LPAR6: variants seen among roughly 807,000 people sequenced by gnomAD.
LPAR6 encodes lysophosphatidic acid receptor 6, also known as G-protein coupled purinergic receptor P2Y5.
A neutral mutation model predicts 22.0 loss-of-function variants in LPAR6; 17 were observed. The observed-to-expected ratio is 0.77, with a 90% CI of 0.53 to 1.16. The LOEUF (loss-of-function observed/expected upper bound fraction) is 1.16, where lower values mean the gene tolerates loss of function less well. Among genes scored for constraint, LPAR6 ranks in the 50% most tolerant of loss-of-function variants. LPAR6 has a pLI of 0.00. For synonymous variants in LPAR6, 136 were observed against 139.8 expected (o/e 0.97, Z 0.19); for missense variants, 384 against 406.9 (o/e 0.94, Z 0.48).
chr13:48,393,778 A>C (rs773225713), intron 1 of LPAR6, among the ~76,000 whole-genome samples: 2 of 151,852 alleles, frequency 1.3e-5, no homozygotes, highest in Admixed American at 6.6e-5. Context: ...TTTTGTATTA[A>C]ATTTTGGTAC....
At chr13:48,432,565 G>A (rs1466564995) in intron 1 of LPAR6, among the ~76,000 whole-genome samples, 1 of 151,796 alleles carries the variant, frequency 6.6e-6, no homozygotes, top group Non-Finnish European at 1.5e-5. Context: ...TCACCATTCG[G>A]TGATTAGGTT....
chr13:48,406,817 G>A (rs1191768678), downstream of LPAR6: 2 of 152,272 alleles, frequency 1.3e-5, no homozygotes. Context: ...TGCTTGAGAG[G>A]CTGAGGTGGG....
chr13:48,393,465 G>A (rs1418332542), intron 1 of LPAR6, among the ~76,000 whole-genome samples: 1 of 152,110 alleles, frequency 6.6e-6, no homozygotes, highest in Non-Finnish European at 1.5e-5. Flanking sequence ...AGGGATTGCT[G>A]TTCTGTACTG....
upstream of LPAR6, among the ~76,000 whole-genome samples, chr13:48,417,894 A>G (rs1269713228): frequency 2.6e-5 from 4 of 152,198 alleles, no homozygotes; most frequent in Admixed American, 6.5e-5. Flanking sequence ...GACCAAACCT[A>G]TGTTTGATTG....
intron 1 of LPAR6, chr13:48,401,198 A>G (rs1948688918): frequency 6.6e-6 from 1 of 152,264 alleles, no homozygotes; most frequent in Middle Eastern, 3.4e-3. Flanking sequence ...AACCTGTGGG[A>G]TGGAAGCACA....
At position 48,413,077 on chromosome 13, in the gene LPAR6, C is replaced by T. The variant is rs1419453017; in HGVS notation, c.-654G>A. On this transcript the variant is annotated 5_prime_UTR_variant, in exon 1 of 1. Transcript: ENST00000620633. ...AGCTCTTGTTGAATTGAGGCCTTTT[C>T]CTCAGTTGCCAGTTGTATCTTGAGG... The T allele has an allele frequency of 6.0e-6, 1 of 167,120 alleles. No homozygotes were observed. The highest frequency in any genetic ancestry group is 1.5e-5 in the Non-Finnish European group (1 of 68,170). The allele number at this position is 167,120 out of a possible 1,614,324, so 10.4% of individuals were successfully genotyped here. A position where few individuals can be genotyped will look rare whatever the true frequency, so the allele number is the denominator to read the frequency against.
chr13:48,403,009 T>C (rs1156329251), intron 1 of LPAR6, among the ~76,000 whole-genome samples: 2 of 152,108 alleles, frequency 1.3e-5, no homozygotes, highest in Non-Finnish European at 2.9e-5. Flanking sequence ...ATAAAACCTA[T>C]GATTCATAGG....
In LPAR6 at chr13:48,412,388, A is replaced by G. The variant is rs1190220265; in HGVS notation, c.36T>C (p.Asn12=). ...VSVNSSHCFY[N]DSFKYTLYGC... is the part of the protein sequence containing the mutation. ...CATACAAAGTGTACTTAAAGGAGTC[A>G]TTATAGAAGCAGTGGGAGCTGTTAA... Residue 12 remains asparagine (N), a synonymous_variant, in exon 1 of 1, where the codon AAT becomes AAC. Coordinates refer to ENST00000620633, the MANE Select transcript of LPAR6 (RefSeq NM_001162498.3). 1.2e-6 allele frequency: 2 copies of G among 1,613,958 alleles called. No homozygotes were observed. The highest frequency in any genetic ancestry group is 8.5e-7 in the Non-Finnish European group (1 of 1,179,932).
intron 1 of LPAR6, among the ~76,000 whole-genome samples, chr13:48,424,953 C>T (rs1949058971): frequency 6.6e-6 from 1 of 151,938 alleles, no homozygotes; most frequent in African/African-American, 2.4e-5. Context: ...ACTCAGAAGG[C>T]TAAGGCAGGA....
At chr13:48,414,144 T>C (rs1948867000), upstream of LPAR6, among the ~76,000 whole-genome samples, 1 of 152,086 alleles carries the variant, frequency 6.6e-6, no homozygotes, top group Admixed American at 6.5e-5. Flanking sequence ...GATCAGGAGT[T>C]TGAGAGCAGC....
intron 1 of LPAR6, among the ~76,000 whole-genome samples, chr13:48,440,631 A>G (rs950439346): frequency 6.6e-6 from 1 of 152,160 alleles, no homozygotes; most frequent in Non-Finnish European, 1.5e-5. Context: ...CAAGGGCTAG[A>G]GTCAGTATTA....
chr13:48,436,430 G>A (rs1179486135), intron 1 of LPAR6, among the ~76,000 whole-genome samples: 3 of 152,188 alleles, frequency 2.0e-5, no homozygotes, highest in Non-Finnish European at 4.4e-5. Context: ...ATCACCTGCG[G>A]TCAGAAGTTC....
intron 1 of LPAR6, among the ~76,000 whole-genome samples, chr13:48,402,076 GGTGGAGAAGTGAAATTACTT>G (rs1948697008): frequency 6.6e-6 from 1 of 152,008 alleles, no homozygotes; most frequent in South Asian, 2.1e-4. Flanking sequence ...AGATGAAAAA[GGTGGAGAAGTGAAATTACTT>G]GTCTTTTACA....
intron 1 of LPAR6, chr13:48,424,249 A>G (rs1393951762): frequency 6.6e-6 from 1 of 152,260 alleles, no homozygotes; most frequent in Non-Finnish European, 1.5e-5. Context: ...CTTAAATTCT[A>G]GACTAGTATT....
downstream of LPAR6, among the ~76,000 whole-genome samples, chr13:48,407,476 T>A (rs978367811): frequency 1.3e-5 from 2 of 152,186 alleles, no homozygotes; most frequent in African/African-American, 4.8e-5. Context: ...CTTGTTTAAT[T>A]GACATTCTTT....
upstream of LPAR6, among the ~76,000 whole-genome samples, chr13:48,428,983 C>A (rs1467137432): frequency 6.6e-6 from 1 of 152,168 alleles, no homozygotes; most frequent in Non-Finnish European, 1.5e-5. Flanking sequence ...CTCCTGGAAG[C>A]TGCATGCTTG....
In LPAR6 at chr13:48,412,076, C is replaced by T. The variant is rs780960869; in HGVS notation, c.348G>A (p.Leu116=). 11 of 1,474,446 alleles carry T rather than the reference C, an allele frequency of 7.5e-6. No individual in the cohort carries two copies. Among genetic ancestry groups the T allele is most frequent in the South Asian group, 1.4e-5 (1 of 70,872 alleles). The allele number at this position is 1,474,446 out of a possible 1,614,324, so 91.3% of individuals were successfully genotyped here. The change falls in exon 1 of 1, where the codon CTG becomes CTA. Residue 116 remains leucine, a synonymous_variant. Coordinates refer to ENST00000620633, the MANE Select transcript of LPAR6 (RefSeq NM_001162498.3). ...FLTCISVDRF[L]AIVYPFKSKT... ...TTGACTTAAATGGGTAGACAATTGC[C>T]AGAAATCGATCTACACTAATACAGG...
At chr13:48,426,508 A>G (rs1949081230) in intron 1 of LPAR6, 2 of 152,236 alleles carry the variant, frequency 1.3e-5, no homozygotes, top group South Asian at 2.1e-4. Context: ...TGCATATTGC[A>G]TTAGTCTTAA....
At chr13:48,393,961 A>G (rs1316912144) in intron 1 of LPAR6, among the ~76,000 whole-genome samples, 2 of 152,226 alleles carry the variant, frequency 1.3e-5, no homozygotes, top group Non-Finnish European at 2.9e-5. Context: ...ATGGGCTGGC[A>G]AGATAGCCAA....
Sources: gnomAD v4.1 joint callset for allele counts (sites outside exome capture counted in the v4.1 genomes callset) on GRCh38, gnomAD v4.1.1 for gene constraint, MANE v1.5 for transcripts, NCBI Gene and HGNC (gene_info 2026-07-23, HGNC 2026-07-21) for gene names.